The following RYR2 variants were observed in gnomAD, a reference collection of about 807,000 sequenced individuals.
The protein encoded by RYR2 is cardiac muscle ryanodine receptor-calcium release channel.
In RYR2, 227 loss-of-function variants were observed where a neutral mutation model predicts 601.1. The ratio of observed to expected loss-of-function variants is 0.38; its 90% CI spans 0.34 to 0.42. RYR2 has a LOEUF of 0.42. Ranked by LOEUF, RYR2 falls within the 10% of genes least tolerant of loss-of-function variation. The probability of loss-of-function intolerance (pLI) is 1.00; values close to 1 mark genes in which losing one functional copy is unlikely to be tolerated. For missense variants in RYR2, 4,646 were observed against 6,156.5 expected, an observed-to-expected ratio of 0.75 and a Z score of 8.21; for synonymous variants, 2,223 against 2,175.1, an observed-to-expected ratio of 1.02 and a Z score of -0.61.
chr1:237,575,972 G>A, intron 29 of RYR2, among the ~76,000 whole-genome samples: 1 of 152,230 alleles, frequency 6.6e-6, no homozygotes, highest in South Asian at 2.1e-4. Context: ...GTTAAGAAAA[G>A]TAAATTAAAG....
At chr1:237,257,078 C>G (rs1323403915) in intron 1 of RYR2, among the ~76,000 whole-genome samples, 1 of 152,180 alleles carries the variant, frequency 6.6e-6, no homozygotes, top group Non-Finnish European at 1.5e-5. Context: ...TTAGCTGTAG[C>G]CTACTATCTA....
chr1:237,739,035 A>G (rs1691385384), intron 79 of RYR2, among the ~76,000 whole-genome samples: 1 of 152,182 alleles, frequency 6.6e-6, no homozygotes, highest in Non-Finnish European at 1.5e-5. Flanking sequence ...TGCTGGAGTC[A>G]TGATTTTCAT....
At chr1:237,379,862 T>C (rs1448119120) in intron 8 of RYR2, among the ~76,000 whole-genome samples, 3 of 152,146 alleles carry the variant, frequency 2.0e-5, no homozygotes, top group African/African-American at 4.8e-5. Context: ...GCCAACCAGG[T>C]TGTTAAAATT....
rs544638077 is a variant in RYR2 at position 237,310,463 on chromosome 1, A to G, written c.169-20415A>G. 6.6e-4 allele frequency among the ~76,000 whole-genome samples: 100 copies of G among 152,310 alleles called. No individual in the cohort carries two copies. The Middle Eastern group carries it at 0.01, about 16-fold the overall frequency. ...CTCCACAGGTAGCTACTTTATGTTC[A>G]CCTGTCTTAGGTAAACAGCTGATTT... On this transcript the variant is annotated intron_variant, in intron 2 of 104. Coordinates refer to ENST00000366574, the MANE Select transcript of RYR2 (RefSeq NM_001035.3).
intron 52 of RYR2, among the ~76,000 whole-genome samples, chr1:237,654,688 TC>T (rs1475121811): frequency 6.6e-6 from 1 of 152,218 alleles, no homozygotes; most frequent in African/African-American, 2.4e-5. Context: ...TTGATAAGTT[TC>T]CGGTGCATTT....
chr1:237,765,884 C>G (rs1375578236), intron 84 of RYR2, among the ~76,000 whole-genome samples: 2 of 152,132 alleles, frequency 1.3e-5, no homozygotes, highest in East Asian at 3.9e-4. Context: ...GAGCTCAGTA[C>G]TGTGTAGACA....
rs1194979345 is a variant in RYR2 at position 237,042,197 on chromosome 1, A to C, written c.-325A>C. On this transcript the variant is annotated 5_prime_UTR_variant, in exon 1 of 105. Transcript: ENST00000366574. Reference sequence around the variant, plus strand: ...CTGGCTCCGCGCACTTGCTCGGAGGAGCCGGGGCCGAGCGGACCGCCGGCT... The same window carrying C: ...CTGGCTCCGCGCACTTGCTCGGAGGCGCCGGGGCCGAGCGGACCGCCGGCT... The C allele has an allele frequency of 3.5e-5, 5 of 144,462 alleles. No individual in the cohort carries two copies. Among genetic ancestry groups the C allele is most frequent in the Non-Finnish European group, 7.4e-5 (5 of 67,268 alleles). The allele number at this position is 144,462 out of a possible 1,614,324, so 8.9% of individuals were successfully genotyped here.
rs192816105 is a variant in RYR2, at chr1:237,113,977, G to A, written c.48+71408G>A. 3.7e-3 allele frequency among the ~76,000 whole-genome samples: 566 copies of A among 152,306 alleles called. 6 individuals are homozygous for A. Among genetic ancestry groups the A allele is most frequent in the African/African-American group, 0.013 (544 of 41,562 alleles). On this transcript the variant is annotated intron_variant, in intron 1 of 104. Coordinates refer to ENST00000366574, the MANE Select transcript of RYR2 (RefSeq NM_001035.3). ...GACATGACGTCGCTCCAACATGCAC[G>A]CAACTTGCCTTTTATTCTCTCAGCT...
chr1:237,341,499 C>T (rs761634778), intron 3 of RYR2: 23 of 327,494 alleles, frequency 7.0e-5, no homozygotes, highest in Non-Finnish European at 1.3e-4. Context: ...AAGCACTGAA[C>T]ACCTTCTGAA....
At chr1:237,726,938 A>T (rs1196150348) in intron 75 of RYR2, 149 bp from the exon 76 acceptor site, 8 of 559,864 alleles carry the variant, frequency 1.4e-5, no homozygotes, top group Non-Finnish European at 2.3e-5. Flanking sequence ...ATCTTAAGGT[A>T]CTTTTGGAAT....
intron 74 of RYR2, among the ~76,000 whole-genome samples, chr1:237,724,066 G>C (rs1160242879): frequency 6.6e-6 from 1 of 151,340 alleles, no homozygotes; most frequent in Non-Finnish European, 1.5e-5. Context: ...ATCTGTCACA[G>C]GGCTCTTATG....
At chr1:237,173,120 GA>G (rs984143687) in intron 1 of RYR2, among the ~76,000 whole-genome samples, 10 of 151,998 alleles carry the variant, frequency 6.6e-5, no homozygotes, top group African/African-American at 2.2e-4. Context: ...TCAGAAAGAT[GA>G]ATCTGCAACC....
At chr1:237,792,404 T>TGC (rs1658555642) in intron 94 of RYR2, 81 bp downstream of exon 94, 2 of 618,938 alleles carry the variant, frequency 3.2e-6, no homozygotes, top group Admixed American at 3.2e-5. Context: ...TGTGCGTGTG[T>TGC]GTGTGTGTGT....
chr1:237,216,118 G>T (rs887248271), intron 1 of RYR2, among the ~76,000 whole-genome samples: 1 of 151,958 alleles, frequency 6.6e-6, no homozygotes, highest in African/African-American at 2.4e-5. Context: ...AACAACATAT[G>T]GAATGAAAAA....
At chr1:237,450,105 C>A (rs998117421) in intron 14 of RYR2, among the ~76,000 whole-genome samples, 6 of 152,024 alleles carry the variant, frequency 3.9e-5, no homozygotes, top group Admixed American at 2.0e-4. Flanking sequence ...TGGGGACAGG[C>A]GCTGTTTTAG....
At chr1:237,761,067 T>C (rs1693394553) in intron 84 of RYR2, 39 bp downstream of exon 84, 1 of 1,190,910 alleles carries the variant, frequency 8.4e-7, no homozygotes, top group African/African-American at 1.5e-5. Context: ...CCTGTCTCCC[T>C]TCCCTCCCTG....
intron 3 of RYR2, among the ~76,000 whole-genome samples, chr1:237,350,613 ATATATATATATATATATATATC>A (rs1698742344): frequency 9.3e-6 from 1 of 107,884 alleles, no homozygotes; most frequent in African/African-American, 4.1e-5. Flanking sequence ...ATATATATAT[ATATATATATATATATATATATC>A]TCTGACCTCT....
At chr1:237,700,919 G>T (rs934228459) in intron 65 of RYR2, among the ~76,000 whole-genome samples, 19 of 152,238 alleles carry the variant, frequency 1.2e-4, no homozygotes, top group African/African-American at 3.6e-4. Context: ...GCCTTTTAGA[G>T]TGGCTCAAAT....
rs145104355 is a variant in RYR2 at position 237,569,332 on chromosome 1, T to C, written c.3598+13T>C. Reference sequence around the variant, plus strand: ...GATGTTGGCGATGGTAAGTCTACTATGTTTTGTGTTTTTTTTAAGTTTGCA... The same window carrying C: ...GATGTTGGCGATGGTAAGTCTACTACGTTTTGTGTTTTTTTTAAGTTTGCA... On this transcript the variant is annotated intron_variant, in intron 29 of 104. Transcript: ENST00000366574. 1.0e-4 allele frequency: 164 copies of C among 1,611,014 alleles called. No individual in the cohort carries two copies. Among genetic ancestry groups the C allele is most frequent in the African/African-American group, 2.4e-4 (18 of 74,998 alleles).
Sources: gnomAD v4.1 joint callset for allele counts (sites outside exome capture counted in the v4.1 genomes callset) on GRCh38, gnomAD v4.1.1 for gene constraint, MANE v1.5 for transcripts, NCBI Gene and HGNC (gene_info 2026-07-23, HGNC 2026-07-21) for gene names.